Variants in MST1R observed in about 807,000 individuals in gnomAD.
MST1R encodes macrophage-stimulating protein receptor.
MST1R carries 99 observed loss-of-function variants against 117.8 expected under a neutral mutation model. The observed-to-expected ratio is 0.84, with a 90% CI of 0.71 to 0.99. MST1R has a LOEUF of 0.99. Among genes scored for constraint, MST1R ranks in the 50% least tolerant of loss-of-function variants. The probability of loss-of-function intolerance (pLI) is 0.00; values close to 1 mark genes in which losing one functional copy is unlikely to be tolerated. For synonymous variants in MST1R, 734 were observed against 765.3 expected (o/e 0.96, Z 0.68); for missense variants, 1,683 against 1,840.2 (o/e 0.91, Z 1.56).
intron 4 of MST1R, 94 bp from the exon 5 acceptor site, chr3:49,898,305 T>A: frequency 6.6e-7 from 1 of 1,526,662 alleles, no homozygotes. Context: ...CCCCTTGCCT[T>A]CCCCACGCTC....
rs778720616 is a variant in MST1R, at chr3:49,896,068, T to G, written c.2689A>C (p.Asn897His). Residue 897 changes from asparagine (N) to histidine (H), a missense_variant, in exon 11 of 20, where the codon AAC (asparagine) becomes CAC (histidine). Transcript: ENST00000296474. Reference protein sequence around the residue: ...LGAVADCVGINVTVGGESCQH... With the variant: ...LGAVADCVGIHVTVGGESCQH... ...CAGCTCTCACCACCCACGGTCACGT[T>G]GATACCCACACAGTCAGCCACAGCG... 6.2e-7 allele frequency: 1 copy of G among 1,611,684 alleles called. No homozygotes were observed. Among genetic ancestry groups the G allele is most frequent in the Non-Finnish European group, 8.5e-7 (1 of 1,178,650 alleles).
rs2082773342 is a variant in MST1R, at chr3:49,903,725, G to C, written c.-116C>G. On this transcript the variant is annotated 5_prime_UTR_variant, in exon 1 of 20. Transcript: ENST00000296474. The stretch of plus-strand genomic sequence containing the variant: ...TGGGCCAAATTTAAGCAGCGGTCCC[G>C]ACAGCCCCAAGATAGCGGACCCCCG... 3 of 1,383,074 alleles carry C rather than the reference G, an allele frequency of 2.2e-6. No individual in the cohort carries two copies. The East Asian group carries it at 7.3e-5, about 34-fold the overall frequency. The allele number at this position is 1,383,074 out of a possible 1,614,324, so 85.7% of individuals were successfully genotyped here.
intron 18 of MST1R, 135 bp from the exon 19 acceptor site, chr3:49,890,195 A>G (rs2082272239): frequency 1.8e-5 from 20 of 1,131,950 alleles, no homozygotes; most frequent in Admixed American, 2.9e-5. Context: ...CTCATTCCTC[A>G]ATACATCACC....
chr3:49,890,662 G>C lies in MST1R; in HGVS notation c.3645-12C>G. 3 of 1,605,030 alleles carry C rather than the reference G, an allele frequency of 1.9e-6. No homozygotes were observed. The highest frequency in any genetic ancestry group is 2.6e-6 in the Non-Finnish European group (3 of 1,173,928). On this transcript the variant is annotated splice_polypyrimidine_tract_variant and intron_variant, in intron 17 of 19. Transcript: ENST00000296474. ...ATGACTCGTCCAGCCTTAGGGGTAG[G>C]GAGAGGATCACACTTAGGACTGGCC...
chr3:49,898,322 T>C, intron 4 of MST1R, 111 bp from the exon 5 acceptor site: 1 of 1,473,944 alleles, frequency 6.8e-7, no homozygotes, highest in Admixed American at 1.8e-5. Context: ...GCTCCAGCCA[T>C]TTGGAGTCAC....
intron 14 of MST1R, among the ~76,000 whole-genome samples, chr3:49,893,579 G>A (rs1309644378): frequency 6.6e-6 from 1 of 151,312 alleles, no homozygotes; most frequent in African/African-American, 2.4e-5. Context: ...ACTCCAGCCT[G>A]GGTGATAGAG....
In MST1R at chr3:49,895,486, G is replaced by T; in HGVS notation, c.3025C>A (p.Pro1009Thr). The T allele has an allele frequency of 6.2e-7, 1 of 1,614,162 alleles. No homozygotes were observed. Among genetic ancestry groups the T allele is most frequent in the Non-Finnish European group, 8.5e-7 (1 of 1,180,034 alleles). The change falls in exon 13 of 20, where the codon CCT (proline) becomes ACT (threonine). Residue 1009 changes from proline to threonine, a missense_variant. By Grantham distance (38) the Pro-to-Thr change is conservative. Transcript: ENST00000296474. ...LDQTAGATPL[P>T]ILYSGSDYRS... is the part of the protein sequence containing the mutation. ...TAGTCAGAGCCCGAGTACAGAATAG[G>T]CAGGGGTGTGGCTCCAGCAGTCTGG...
chr3:49,896,366 A>T lies in MST1R; in HGVS notation c.2478T>A (p.Leu826=). 1 of 1,613,886 alleles carries T rather than the reference A, an allele frequency of 6.2e-7. No individual in the cohort carries two copies. Among genetic ancestry groups the T allele is most frequent in the Non-Finnish European group, 8.5e-7 (1 of 1,179,990 alleles). ...RQLPEQQLCR[L]PEYVVRDPQG... is the part of the protein sequence containing the mutation. ...GGGGGTCTCGGACCACATATTCAGGAAGGCGGCACAGCTGCTGCTCTGGAA... is the reference window on the plus strand; with the variant it reads ...GGGGGTCTCGGACCACATATTCAGGTAGGCGGCACAGCTGCTGCTCTGGAA... The change falls in exon 10 of 20, where the codon CTT becomes CTA. Residue 826 remains leucine (L), a synonymous_variant. Transcript: ENST00000296474.
Position 49,898,624 on chromosome 3 carries a change from C to G in MST1R, c.1613G>C (p.Arg538Thr). 1 of 1,614,202 alleles carries G rather than the reference C, an allele frequency of 6.2e-7. No homozygotes were observed. The highest frequency in any genetic ancestry group is 8.5e-7 in the Non-Finnish European group (1 of 1,180,046). Reference protein sequence around the residue: ...RHFLTCGRCLRAWHFMGCGWC... With the variant: ...RHFLTCGRCLTAWHFMGCGWC... ...GCCACAGCCCATGAAATGCCATGCCCTTAGGCAACGCCCACAGGTCAGGAA... is the reference window on the plus strand; with the variant it reads ...GCCACAGCCCATGAAATGCCATGCCGTTAGGCAACGCCCACAGGTCAGGAA... The change falls in exon 4 of 20, where the codon AGG becomes ACG. Residue 538 changes from arginine (R) to threonine (T), a missense_variant. Physicochemically the swap from Arg to Thr is moderately conservative, Grantham distance 71. Coordinates refer to ENST00000296474, the MANE Select transcript of MST1R (RefSeq NM_002447.4).
chr3:49,902,938 G>T lies in MST1R; in HGVS notation c.672C>A (p.Asp224Glu), dbSNP rs201910184. The change falls in exon 1 of 20, where the codon GAC becomes GAA. Residue 224 changes from aspartate to glutamate, a missense_variant. Physicochemically the swap from Asp to Glu is conservative, Grantham distance 45. Transcript: ENST00000296474. ...RSVSIRRLKADASGFAPGFVA... is the reference protein window; with the variant it reads ...RSVSIRRLKAEASGFAPGFVA... ...CAAAGCCCGGTGCGAATCCCGAGGC[G>T]TCAGCCTTGAGACGCCTGATAGACA... The T allele has an allele frequency of 2.7e-5, 43 of 1,613,394 alleles. No individual in the cohort carries two copies. The highest frequency in any genetic ancestry group is 3.4e-5 in the Non-Finnish European group (40 of 1,180,024).
rs1575435086 is a variant in MST1R, at chr3:49,895,318, G to C, written c.3120C>G (p.Phe1040Leu). 1.2e-6 allele frequency: 2 copies of C among 1,614,224 alleles called. No homozygotes were observed. Among genetic ancestry groups the C allele is most frequent in the African/African-American group, 2.7e-5 (2 of 75,040 alleles). ...DSTTCVHGAS[F>L]SDSEDESCVP... ...CACAGGATTCATCTTCACTATCGGA[G>C]AAGGATGCTCCATGGACACAAGTGG... Residue 1040 changes from phenylalanine (F) to leucine (L), a missense_variant, in exon 14 of 20, where the codon TTC becomes TTG. By Grantham distance (22) the Phe-to-Leu change is conservative. Coordinates refer to ENST00000296474, the MANE Select transcript of MST1R (RefSeq NM_002447.4).
At chr3:49,887,601 A>G (rs759265781) in intron 19 of MST1R, 39 bp from the exon 20 acceptor site, 2 of 1,602,158 alleles carry the variant, frequency 1.2e-6, no homozygotes, top group Admixed American at 1.7e-5. Context: ...GGCAATTTCC[A>G]CCCAAGGATT....
Position 49,898,628 on chromosome 3 carries a change from G to C in MST1R, c.1609C>G (p.Leu537Val). 6.2e-7 allele frequency: 1 copy of C among 1,614,186 alleles called. No homozygotes were observed. Among genetic ancestry groups the C allele is most frequent in the Non-Finnish European group, 8.5e-7 (1 of 1,180,042 alleles). Residue 537 changes from leucine to valine, a missense_variant, in exon 4 of 20, where the codon CTA (leucine) becomes GTA (valine). Coordinates refer to ENST00000296474, the MANE Select transcript of MST1R (RefSeq NM_002447.4). ...CAGCCCATGAAATGCCATGCCCTTA[G>C]GCAACGCCCACAGGTCAGGAAGTGG... ...CRHFLTCGRCLRAWHFMGCGW... is the reference protein window; with the variant it reads ...CRHFLTCGRCVRAWHFMGCGW...
chr3:49,890,452 G>C, intron 18 of MST1R, 33 bp downstream of exon 18: 1 of 1,589,136 alleles, frequency 6.3e-7, no homozygotes, highest in Admixed American at 1.7e-5. Context: ...GGGTGCCAAA[G>C]CCATGTGGAC....
intron 1 of MST1R, among the ~76,000 whole-genome samples, chr3:49,900,888 C>A (rs2082653975): frequency 6.6e-6 from 1 of 152,234 alleles, no homozygotes; most frequent in Non-Finnish European, 1.5e-5. Context: ...GTCCCTCAGG[C>A]CTCCTGAGGC....
In MST1R at chr3:49,889,935, G is replaced by A. The variant is rs2108370667; in HGVS notation, c.3936C>T (p.Cys1312=). Residue 1312 remains cysteine, a synonymous_variant, in exon 19 of 20, where the codon TGC becomes TGT. Coordinates refer to ENST00000296474, the MANE Select transcript of MST1R (RefSeq NM_002447.4). ...QGRRLPQPEY[C]PDSLYQVMQQ... Reference sequence around the variant, plus strand: ...CTCCACATACTCACAGAGAATCAGGGCAATACTCAGGCTGGGGCAGGCGCC... The same window carrying A: ...CTCCACATACTCACAGAGAATCAGGACAATACTCAGGCTGGGGCAGGCGCC... 6.2e-7 allele frequency: 1 copy of A among 1,614,156 alleles called. No individual in the cohort carries two copies. The highest frequency in any genetic ancestry group is 8.5e-7 in the Non-Finnish European group (1 of 1,180,010).
rs144079661 is a variant in MST1R, at chr3:49,887,017, T to G, written c.*290A>C. Reference sequence around the variant, plus strand: ...TTTGCTACAATTTGTGCTTTAATAGTCATTTGTTCCTTTATTGGTTCAAGG... The same window carrying G: ...TTTGCTACAATTTGTGCTTTAATAGGCATTTGTTCCTTTATTGGTTCAAGG... On this transcript the variant is annotated 3_prime_UTR_variant, in exon 20 of 20. Coordinates refer to ENST00000296474, the MANE Select transcript of MST1R (RefSeq NM_002447.4). The G allele has an allele frequency of 2.3e-3, 1,111 of 480,172 alleles. 12 individuals carry two copies. The highest frequency in any genetic ancestry group is 0.018 in the African/African-American group (933 of 51,562). 29.7% of individuals were successfully genotyped at this position (480,172 alleles called of 1,614,324 possible).
chr3:49,891,030 T>C (rs2082299477), intron 17 of MST1R, among the ~76,000 whole-genome samples, 167 bp downstream of exon 17: 1 of 152,078 alleles, frequency 6.6e-6, no homozygotes, highest in Admixed American at 6.5e-5. Flanking sequence ...CTGGCCAAAT[T>C]TCAAAGCCAC....
intron 17 of MST1R, among the ~76,000 whole-genome samples, chr3:49,890,971 C>A (rs2082297368): frequency 6.6e-6 from 1 of 152,234 alleles, no homozygotes; most frequent in Admixed American, 6.5e-5. Flanking sequence ...CATGATCCGC[C>A]TTCCTCAGCC....
Sources: allele counts gnomAD v4.1 joint callset (sites outside exome capture counted in the v4.1 genomes callset), GRCh38; gene constraint gnomAD v4.1.1; transcripts MANE v1.5; gene names NCBI Gene and HGNC (gene_info 2026-07-23, HGNC 2026-07-21).